Variants in FAM83F observed in about 807,000 individuals in gnomAD.
FAM83F encodes the protein scaffolding CK1 anchoring protein F.
In FAM83F, 45 loss-of-function variants were observed where a neutral mutation model predicts 42.9. The ratio of observed to expected loss-of-function variants is 1.05; its 90% confidence interval spans 0.83 to 1.35. The LOEUF (loss-of-function observed/expected upper bound fraction) is 1.35. FAM83F is among the 40% of genes most tolerant of loss of function. FAM83F has a pLI of 0.00. For missense variants in FAM83F, 617 were observed against 695.9 expected, an observed-to-expected ratio of 0.89 and a Z score of 1.28; for synonymous variants, 306 against 298.3, an observed-to-expected ratio of 1.03 and a Z score of -0.27.
chr22:39,995,292 C>A lies in FAM83F; in HGVS notation c.250C>A (p.Arg84=). 1 of 1,536,822 alleles carries A rather than the reference C, an allele frequency of 6.5e-7. No homozygotes were observed. The highest frequency in any genetic ancestry group is 1.4e-5 in the African/African-American group (1 of 73,038). Residue 84 remains arginine (R), a synonymous_variant, in exon 1 of 5, where the codon CGG becomes AGG. Transcript: ENST00000333407. The surrounding 1 kb of genome is among the most constrained non-coding windows in gnomAD (Gnocchi z 4.6). ...YEDAVPAANA[R]GKSKAKAKAP... ...GGACGCCGTCCCCGCCGCCAACGCC[C>A]GGGGCAAGAGCAAGGCCAAGGCCAA...
chr22:40,003,342 C>T (rs2067411357), intron 1 of FAM83F, among the ~76,000 whole-genome samples: 1 of 152,158 alleles, frequency 6.6e-6, no homozygotes, highest in South Asian at 2.1e-4. Context: ...CCTAGCCCAG[C>T]AACTGTCAGT....
rs539951863 is a variant in FAM83F, at chr22:40,041,850, T to G, written c.*12285T>G. The G allele has an allele frequency of 6.6e-6, 1 of 152,330 alleles. No individual in the cohort carries two copies. The highest frequency in any genetic ancestry group is 2.1e-4 in the South Asian group (1 of 4,822). The allele number at this position is 152,330 out of a possible 1,614,324, so 9.4% of individuals were successfully genotyped here. ...CAGAATATTAAATATTGAGTTAATA[T>G]TATATTTACTCAATGTTACTTTTTT... On this transcript the variant is annotated 3_prime_UTR_variant, in exon 5 of 5. Coordinates refer to ENST00000333407, the MANE Select transcript of FAM83F (RefSeq NM_138435.4).
At chr22:40,027,672 G>C (rs1444180508) in intron 4 of FAM83F, among the ~76,000 whole-genome samples, 1 of 152,246 alleles carries the variant, frequency 6.6e-6, no homozygotes, top group Non-Finnish European at 1.5e-5. Flanking sequence ...CAGTTTCTCT[G>C]TCCTGTCCGG....
chr22:40,025,109 A>G (rs2067544329), intron 4 of FAM83F, among the ~76,000 whole-genome samples: 1 of 152,182 alleles, frequency 6.6e-6, no homozygotes, highest in Admixed American at 6.5e-5. Context: ...GAGCAGCCTC[A>G]GTGGAGAGCC....
At chr22:40,002,870 T>C (rs1442094584) in intron 1 of FAM83F, among the ~76,000 whole-genome samples, 1 of 152,184 alleles carries the variant, frequency 6.6e-6, no homozygotes, top group Non-Finnish European at 1.5e-5. Context: ...CCATTTCGTT[T>C]CGTTAATCCA....
chr22:40,000,605 G>GC (rs1018866173), intron 1 of FAM83F, among the ~76,000 whole-genome samples: 7 of 134,156 alleles, frequency 5.2e-5, no homozygotes, highest in African/African-American at 2.2e-4. Context: ...TGAAGCAGAT[G>GC]CCCAAAAAAA....
rs1244092724 is a variant in FAM83F, at chr22:40,041,843, G to A, written c.*12278G>A. 6.6e-6 allele frequency: 1 copy of A among 151,700 alleles called. No homozygotes were observed. The highest frequency in any genetic ancestry group is 2.4e-5 in the African/African-American group (1 of 41,284). 9.4% of individuals were successfully genotyped at this position (151,700 alleles called of 1,614,324 possible). ...TGAAATACAGAATATTAAATATTGA[G>A]TTAATATTATATTTACTCAATGTTA... On this transcript the variant is annotated 3_prime_UTR_variant, in exon 5 of 5. Coordinates refer to ENST00000333407, the MANE Select transcript of FAM83F (RefSeq NM_138435.4).
Position 40,043,248 on chromosome 22 carries a change from G to C in FAM83F, c.*13683G>C, listed in dbSNP as rs1295146507. ...TGAAGCTACAGGGGATGGGGATTTGGGACGGTAAAATGTTAATTACCCAAG... is the reference window on the plus strand; with the variant it reads ...TGAAGCTACAGGGGATGGGGATTTGCGACGGTAAAATGTTAATTACCCAAG... On this transcript the variant is annotated 3_prime_UTR_variant, in exon 5 of 5. Transcript: ENST00000333407. The C allele has an allele frequency of 6.6e-6, 1 of 152,192 alleles. No homozygotes were observed. Among genetic ancestry groups the C allele is most frequent in the Non-Finnish European group, 1.5e-5 (1 of 68,040 alleles). The allele number at this position is 152,192 out of a possible 1,614,324, so 9.4% of individuals were successfully genotyped here.
In FAM83F at chr22:40,021,941, G is replaced by A. The variant is rs774928948; in HGVS notation, c.1431G>A (p.Glu477=). The change falls in exon 4 of 5, where the codon GAG becomes GAA. Residue 477 remains glutamate (E), a synonymous_variant. Coordinates refer to ENST00000333407, the MANE Select transcript of FAM83F (RefSeq NM_138435.4). This position sits in a 1 kb window ranked among gnomAD's most constrained non-coding sequence, Gnocchi z 8.7. ...TTCTGACGGGGAAGAGGCCCAACGA[G>A]AATTCCAGTGCTGACATCTCAGGTG... The part of the protein sequence containing the change: ...VEFLTGKRPN[E]NSSADISGKT... 1 of 1,568,184 alleles carries A rather than the reference G, an allele frequency of 6.4e-7. No homozygotes were observed. Among genetic ancestry groups the A allele is most frequent in the Non-Finnish European group, 8.7e-7 (1 of 1,155,972 alleles).
rs2067368694 is a variant in FAM83F at position 39,995,344 on chromosome 22, C to G, written c.302C>G (p.Ser101Cys). The G allele has an allele frequency of 1.3e-6, 2 of 1,541,342 alleles. No homozygotes were observed. Among genetic ancestry groups the G allele is most frequent in the East Asian group, 4.9e-5 (2 of 40,860 alleles). ...GCCCCCGCGCCGGCGCCGGCTGAGT[C>G]CGGCGAGTCCCTGGCCTACTGGCCC... Reference protein sequence around the residue: ...AKAPAPAPAESGESLAYWPDR... With the variant: ...AKAPAPAPAECGESLAYWPDR... Residue 101 changes from serine (S) to cysteine (C), a missense_variant, in exon 1 of 5, where the codon TCC becomes TGC. Ser to Cys is a moderately radical substitution (Grantham distance 112). Coordinates refer to ENST00000333407, the MANE Select transcript of FAM83F (RefSeq NM_138435.4). This position sits in a 1 kb window ranked among gnomAD's most constrained non-coding sequence, Gnocchi z 4.6.
intron 4 of FAM83F, among the ~76,000 whole-genome samples, chr22:40,028,948 CTGGG>C: frequency 6.6e-6 from 1 of 152,304 alleles, no homozygotes; most frequent in East Asian, 1.9e-4. Flanking sequence ...CTGGCTGGCT[CTGGG>C]AGCTGTGGGC....
chr22:40,007,993 T>C (rs1240114817), intron 1 of FAM83F, among the ~76,000 whole-genome samples: 1 of 152,198 alleles, frequency 6.6e-6, no homozygotes, highest in Admixed American at 6.5e-5. Context: ...TGCCTTGAGA[T>C]ACTTTACTCT....
chr22:40,015,749 C>T (rs1442816274), intron 1 of FAM83F, among the ~76,000 whole-genome samples: 1 of 152,208 alleles, frequency 6.6e-6, no homozygotes, highest in Non-Finnish European at 1.5e-5. Context: ...AGTAATCTCT[C>T]CGCTCACCCA....
chr22:40,014,736 C>T (rs372878510), intron 1 of FAM83F, among the ~76,000 whole-genome samples: 14 of 152,110 alleles, frequency 9.2e-5, no homozygotes, highest in East Asian at 5.8e-4. Context: ...TTTAAACAGC[C>T]GGTTTTTGAT....
intron 1 of FAM83F, among the ~76,000 whole-genome samples, chr22:40,010,338 G>A (rs528845369): frequency 3.3e-5 from 5 of 152,228 alleles, no homozygotes; most frequent in Non-Finnish European, 7.3e-5. Flanking sequence ...CCCTGGGCCT[G>A]ACACTGCGGA....
Position 40,023,355 on chromosome 22 carries a change from C to G in FAM83F, c.1453+1392C>G, listed in dbSNP as rs946561598. On this transcript the variant is annotated intron_variant, in intron 4 of 4. Coordinates refer to ENST00000333407, the MANE Select transcript of FAM83F (RefSeq NM_138435.4). The surrounding 1 kb of genome is among the most constrained non-coding windows in gnomAD (Gnocchi z 4.1). ...CTGGCTCCCCTAACACCAGCTGCTG[C>G]TGCTGCTGCTGCTCCTGCTCTGTAC... 1.5e-5 allele frequency among the ~76,000 whole-genome samples: 2 copies of G among 134,904 alleles called. No homozygotes were observed. The highest frequency in any genetic ancestry group is 3.3e-5 in the Non-Finnish European group (2 of 61,064). The allele number at this position is 134,904 out of a possible 152,430, so 88.5% of individuals were successfully genotyped here. A position where few individuals can be genotyped will look rare whatever the true frequency, so the allele number is the denominator to read the frequency against.
At chr22:40,020,755 A>G (rs1486424697) in intron 3 of FAM83F, among the ~76,000 whole-genome samples, 1 of 152,152 alleles carries the variant, frequency 6.6e-6, no homozygotes, top group East Asian at 1.9e-4. Flanking sequence ...ACGAGAAGAG[A>G]GAGCTGAGCA....
chr22:40,001,277 A>G (rs903912959), intron 1 of FAM83F, among the ~76,000 whole-genome samples: 9 of 152,196 alleles, frequency 5.9e-5, no homozygotes, highest in African/African-American at 2.2e-4. Context: ...TCCCTTGAGC[A>G]AATCACCTCC....
chr22:40,006,011 G>A (rs1400431378), intron 1 of FAM83F, among the ~76,000 whole-genome samples: 1 of 152,184 alleles, frequency 6.6e-6, no homozygotes, highest in African/African-American at 2.4e-5. Flanking sequence ...AGGCCGAGGC[G>A]GGCAGATCAT....
Sources: gnomAD v4.1 joint callset for allele counts (sites outside exome capture counted in the v4.1 genomes callset) on GRCh38, gnomAD v4.1.1 for gene constraint, Gnocchi (gnomAD v3.1) non-coding constraint, MANE v1.5 for transcripts, NCBI Gene and HGNC (gene_info 2026-07-23, HGNC 2026-07-21) for gene names.